Variants in SCAI observed in about 807,000 individuals in gnomAD.
SCAI encodes suppressor of cancer cell invasion.
A neutral mutation model predicts 92.2 loss-of-function variants in SCAI; 24 were observed. The ratio of observed to expected loss-of-function variants is 0.26; its 90% CI spans 0.19 to 0.37. The LOEUF (loss-of-function observed/expected upper bound fraction) is 0.37, where lower values mean the gene tolerates loss of function less well. Ranked by LOEUF, SCAI falls within the 10% of genes least tolerant of loss-of-function variation. The pLI is 1.00. For missense variants in SCAI, 450 were observed against 736.2 expected, an observed-to-expected ratio of 0.61 and a Z score of 4.50; for synonymous variants, 261 against 258.6, an observed-to-expected ratio of 1.01 and a Z score of -0.09.
intron 10 of SCAI, 63 bp from the exon 11 acceptor site, chr9:125,003,278 T>A: frequency 7.6e-7 from 1 of 1,309,270 alleles, no homozygotes; most frequent in Admixed American, 1.7e-5. Context: ...ATTATCAATA[T>A]CTATTTTCAC....
At chr9:124,980,665 G>T (rs1326947237) in intron 14 of SCAI, among the ~76,000 whole-genome samples, 1 of 152,138 alleles carries the variant, frequency 6.6e-6, no homozygotes, top group Non-Finnish European at 1.5e-5. Flanking sequence ...ACAACTTGTT[G>T]GTTGGGTAAT....
At chr9:125,102,200 T>A (rs144325651) in intron 2 of SCAI, among the ~76,000 whole-genome samples, 29 of 152,324 alleles carry the variant, frequency 1.9e-4, no homozygotes, top group African/African-American at 6.0e-4. Flanking sequence ...TTGAGAACCA[T>A]TGGTCTAATG....
intron 2 of SCAI, among the ~76,000 whole-genome samples, chr9:125,102,930 ATCTC>A (rs965325733): frequency 4.0e-5 from 6 of 151,420 alleles, no homozygotes; most frequent in African/African-American, 1.5e-4. Context: ...CCCTTAAGTC[ATCTC>A]TCTCTTTCTC....
At chr9:125,077,970 C>A (rs1036035649) in intron 2 of SCAI, among the ~76,000 whole-genome samples, 6 of 151,990 alleles carry the variant, frequency 3.9e-5, no homozygotes, top group Admixed American at 6.6e-5. Context: ...CCACACCCCC[C>A]CCGCCTCCCA....
chr9:125,017,156 A>G (rs1294220812), intron 9 of SCAI, among the ~76,000 whole-genome samples: 1 of 152,196 alleles, frequency 6.6e-6, no homozygotes, highest in Non-Finnish European at 1.5e-5. Flanking sequence ...GCTGTACTAG[A>G]TAATGCCTGA....
intron 14 of SCAI, among the ~76,000 whole-genome samples, chr9:124,978,223 C>T (rs1831802189): frequency 6.6e-6 from 1 of 152,184 alleles, no homozygotes; most frequent in Non-Finnish European, 1.5e-5. Context: ...GGGCAGATCA[C>T]CTGAGGTCAG....
intron 15 of SCAI, among the ~76,000 whole-genome samples, chr9:124,975,687 ACT>A (rs1227566413): frequency 6.6e-6 from 1 of 152,100 alleles, no homozygotes; most frequent in Non-Finnish European, 1.5e-5. Context: ...GGTTATCCTA[ACT>A]CTGTGGCATA....
intron 3 of SCAI, among the ~76,000 whole-genome samples, chr9:125,049,968 A>ACTTAC (rs1351986461): frequency 6.6e-6 from 1 of 152,212 alleles, no homozygotes; most frequent in Non-Finnish European, 1.5e-5. Flanking sequence ...CACTTACAGC[A>ACTTAC]TGTGCACTTT....
At chr9:125,065,554 T>C (rs545086392) in intron 2 of SCAI, among the ~76,000 whole-genome samples, 1 of 152,158 alleles carries the variant, frequency 6.6e-6, no homozygotes, top group African/African-American at 2.4e-5. Flanking sequence ...TCTTACAGAA[T>C]AGAGAAGAAG....
chr9:125,001,880 G>C, intron 12 of SCAI, 85 bp downstream of exon 12: 1 of 913,000 alleles, frequency 1.1e-6, no homozygotes, highest in East Asian at 2.5e-5. Flanking sequence ...AGGCTGAGAT[G>C]GTCTGTGGGC....
At position 124,948,831 on chromosome 9, in the gene SCAI, C is replaced by T. The variant is rs1420626931; in HGVS notation, c.*3976G>A. ...TTTGAAAACAAAGGAGTGCTTTTTC[C>T]CTTTGCTTTGCTCTGTTCTTAGTTC... On this transcript the variant is annotated 3_prime_UTR_variant, in exon 18 of 18. Transcript: ENST00000336505. 6.6e-6 allele frequency: 1 copy of T among 152,068 alleles called. No homozygotes were observed. The highest frequency in any genetic ancestry group is 1.5e-5 in the Non-Finnish European group (1 of 68,008). The allele number at this position is 152,068 out of a possible 1,614,324, so 9.4% of individuals were successfully genotyped here.
At position 125,013,985 on chromosome 9, in the gene SCAI, C is replaced by A. The variant is rs1832695146; in HGVS notation, c.861+4814G>T. On this transcript the variant is annotated intron_variant, in intron 9 of 17. Coordinates refer to ENST00000336505, the MANE Select transcript of SCAI (RefSeq NM_001144877.3). ...CCTTTGACAAAATTCAACAACGCTT[C>A]ATGCTAAAAACTCTCAATAAATTAG... Among the ~76,000 whole-genome samples the A allele has an allele frequency of 2.0e-5, 3 of 152,140 alleles. No individual in the cohort carries two copies. The South Asian group carries it at 6.2e-4, about 32-fold the overall frequency.
intron 2 of SCAI, among the ~76,000 whole-genome samples, chr9:125,138,250 T>C (rs1835582652): frequency 4.5e-5 from 2 of 44,260 alleles, no homozygotes; most frequent in South Asian, 6.5e-4. Context: ...CTATTATTTC[T>C]TTTTTTTTTT....
At chr9:125,001,930 C>A in intron 12 of SCAI, 35 bp downstream of exon 12, 1 of 1,407,816 alleles carries the variant, frequency 7.1e-7, no homozygotes, top group Non-Finnish European at 1.0e-6. Flanking sequence ...AGAATTCAAG[C>A]CCTGCTCACA....
chr9:125,075,564 ATTT>A (rs573518384), intron 2 of SCAI, among the ~76,000 whole-genome samples: 2 of 130,032 alleles, frequency 1.5e-5, no homozygotes, highest in African/African-American at 5.7e-5. Context: ...CGTCCAGCTA[ATTT>A]TTTTTTTTTT....
intron 9 of SCAI, among the ~76,000 whole-genome samples, chr9:125,013,277 T>C (rs1359488066): frequency 3.9e-5 from 6 of 151,950 alleles, no homozygotes; most frequent in South Asian, 2.1e-4. Context: ...ATTGATAGAC[T>C]GCTAGCAAGA....
At chr9:124,967,851 T>C (rs920036488) in intron 17 of SCAI, among the ~76,000 whole-genome samples, 3 of 152,202 alleles carry the variant, frequency 2.0e-5, no homozygotes, top group Non-Finnish European at 2.9e-5. Context: ...CCCAGGAACA[T>C]TGTAGCCTAC....
At chr9:125,081,924 C>T (rs918166785) in intron 2 of SCAI, among the ~76,000 whole-genome samples, 1 of 152,158 alleles carries the variant, frequency 6.6e-6, no homozygotes, top group Non-Finnish European at 1.5e-5. Context: ...AAATTCACAG[C>T]CTGACAATGT....
At chr9:124,996,142 T>C (rs1269394683) in intron 13 of SCAI, among the ~76,000 whole-genome samples, 1 of 146,366 alleles carries the variant, frequency 6.8e-6, no homozygotes, top group Non-Finnish European at 1.5e-5. Flanking sequence ...ACATGTATAG[T>C]GATTACCACG....
Sources: allele counts gnomAD v4.1 joint callset (sites outside exome capture counted in the v4.1 genomes callset), GRCh38; gene constraint gnomAD v4.1.1; transcripts MANE v1.5; gene names NCBI Gene and HGNC (gene_info 2026-07-23, HGNC 2026-07-21).